EYA4: variants seen among roughly 807,000 people sequenced by gnomAD.
The protein encoded by EYA4 is EYA transcriptional coactivator and phosphatase 4.
EYA4 carries 31 observed loss-of-function variants against 87.9 expected under a neutral mutation model. The observed-to-expected ratio is 0.35, with a 90% CI of 0.27 to 0.48. EYA4 has a LOEUF of 0.48. EYA4 is among the 20% of genes least tolerant of loss of function. The probability of loss-of-function intolerance (pLI) is 0.99; values close to 1 mark genes in which losing one functional copy is unlikely to be tolerated. For synonymous variants in EYA4, 263 were observed against 270.6 expected, an observed-to-expected ratio of 0.97 and a Z score of 0.28; for missense variants, 678 against 761.4, an observed-to-expected ratio of 0.89 and a Z score of 1.29.
intron 1 of EYA4, among the ~76,000 whole-genome samples, chr6:133,266,157 G>T (rs1477798627): frequency 6.6e-6 from 1 of 152,184 alleles, no homozygotes; most frequent in African/African-American, 2.4e-5. Context: ...TTGCAGGTAT[G>T]ATCAAGTTAA....
At chr6:133,510,157 G>A (rs1055131062) in intron 14 of EYA4, among the ~76,000 whole-genome samples, 5 of 152,226 alleles carry the variant, frequency 3.3e-5, no homozygotes, top group East Asian at 1.9e-4. Context: ...TTAATCATGC[G>A]AGTTAATATT....
intron 2 of EYA4, among the ~76,000 whole-genome samples, chr6:133,342,605 A>ATATATATATATATATAT (rs1485897156): frequency 4.6e-5 from 6 of 130,452 alleles, no homozygotes; most frequent in Non-Finnish European, 7.8e-5. Flanking sequence ...ATATATATAT[A>ATATATATATATATATAT]ATTCTTTATA....
chr6:133,366,146 A>G (rs1339414601), intron 2 of EYA4, among the ~76,000 whole-genome samples: 3 of 152,176 alleles, frequency 2.0e-5, no homozygotes, highest in Non-Finnish European at 4.4e-5. Context: ...TTTGAGACAT[A>G]TTTTGAAGCC....
chr6:133,526,101 AAAG>A (rs1276742677), intron 19 of EYA4, among the ~76,000 whole-genome samples: 2 of 152,170 alleles, frequency 1.3e-5, no homozygotes, highest in Non-Finnish European at 2.9e-5. Flanking sequence ...TTCAACATCA[AAAG>A]AAGAATGATA....
At chr6:133,299,052 G>A (rs545030705) in intron 2 of EYA4, among the ~76,000 whole-genome samples, 22 of 152,294 alleles carry the variant, frequency 1.4e-4, no homozygotes, top group Admixed American at 5.2e-4. Flanking sequence ...GGGGAATGAA[G>A]CAGGACTCTT....
intron 13 of EYA4, among the ~76,000 whole-genome samples, chr6:133,487,283 G>A (rs2128720597): frequency 6.6e-6 from 1 of 152,234 alleles, no homozygotes; most frequent in South Asian, 2.1e-4. Context: ...AAGTGCTCTG[G>A]GGTCCAGGCA....
In EYA4 at chr6:133,409,710, T is replaced by A. The variant is rs115491806; in HGVS notation, c.83+27269T>A. ...GGGAGGAGGGATCAGGAGGTGTGGA[T>A]CAAAGTTTACAAAGTTACAGTTATG... On this transcript the variant is annotated intron_variant, in intron 3 of 19. Transcript: ENST00000355286. Among the ~76,000 whole-genome samples, 690 of 152,210 alleles carry A rather than the reference T, an allele frequency of 4.5e-3. 12 individuals are homozygous for A. The highest frequency in any genetic ancestry group is 0.016 in the African/African-American group (645 of 41,548).
intron 2 of EYA4, among the ~76,000 whole-genome samples, chr6:133,307,327 C>A (rs1779887903): frequency 6.6e-6 from 1 of 152,116 alleles, no homozygotes; most frequent in South Asian, 2.1e-4. Flanking sequence ...TCCTTTTAAT[C>A]TGGAGAGATA....
intron 17 of EYA4, among the ~76,000 whole-genome samples, chr6:133,518,907 A>G (rs1799850740): frequency 6.6e-6 from 1 of 151,746 alleles, no homozygotes; most frequent in Non-Finnish European, 1.5e-5. Context: ...CTGGGTACAT[A>G]ACGAAATGAA....
At chr6:133,277,115 C>A (rs888021028) in intron 2 of EYA4, among the ~76,000 whole-genome samples, 2 of 152,174 alleles carry the variant, frequency 1.3e-5, no homozygotes, top group Non-Finnish European at 2.9e-5. Flanking sequence ...TTACTCATAT[C>A]ATTGCTATTT....
At chr6:133,311,939 A>G (rs933665241) in intron 2 of EYA4, among the ~76,000 whole-genome samples, 2 of 152,230 alleles carry the variant, frequency 1.3e-5, no homozygotes, top group African/African-American at 2.4e-5. Flanking sequence ...TAGAATAGAT[A>G]TTATCCACGT....
chr6:133,414,558 G>C (rs1246664004), intron 3 of EYA4, among the ~76,000 whole-genome samples: 3 of 152,094 alleles, frequency 2.0e-5, no homozygotes. Context: ...TAGAAAGAAG[G>C]GTGGGGCCCT....
At chr6:133,304,152 G>A (rs985140290) in intron 2 of EYA4, among the ~76,000 whole-genome samples, 3 of 152,104 alleles carry the variant, frequency 2.0e-5, no homozygotes, top group African/African-American at 7.2e-5. Flanking sequence ...AAACTTCCTA[G>A]TGGGTTTTTG....
At chr6:133,438,418 C>T in intron 3 of EYA4, among the ~76,000 whole-genome samples, 1 of 147,166 alleles carries the variant, frequency 6.8e-6, no homozygotes, top group East Asian at 2.0e-4. Flanking sequence ...TGTATGTCGT[C>T]CAGATTGGCT....
At position 133,523,190 on chromosome 6, in the gene EYA4, T is replaced by C. The variant is rs1397253002; in HGVS notation, c.1738+13T>C. The stretch of plus-strand genomic sequence containing the variant: ...GCAACTAAAATAGGTAAGGAAATTA[T>C]TTTAAACTCTGTATGGAATGTGTCC... On this transcript the variant is annotated intron_variant, in intron 18 of 19. Coordinates refer to ENST00000355286, the MANE Select transcript of EYA4 (RefSeq NM_004100.5). 6.2e-7 allele frequency: 1 copy of C among 1,610,760 alleles called. No homozygotes were observed. The highest frequency in any genetic ancestry group is 1.1e-5 in the South Asian group (1 of 91,036).
rs906673410 is a variant in EYA4, at chr6:133,529,776, G to A, written c.*971G>A. 2.0e-5 allele frequency: 20 copies of A among 984,906 alleles called. No individual in the cohort carries two copies. The highest frequency in any genetic ancestry group is 1.8e-4 in the Admixed American group (3 of 16,268). 61.0% of individuals were successfully genotyped at this position (984,906 alleles called of 1,614,324 possible). ...ACTGTGGGACCTTTACTTAGAAAGT[G>A]AAATGTATGTAGAAGTCTCAAGTAC... is the stretch of plus-strand genomic sequence containing the variant. On this transcript the variant is annotated 3_prime_UTR_variant, in exon 20 of 20. Transcript: ENST00000355286.
intron 2 of EYA4, among the ~76,000 whole-genome samples, chr6:133,316,608 T>C (rs757899536): frequency 1.2e-4 from 19 of 152,232 alleles, no homozygotes; most frequent in East Asian, 1.9e-4. Context: ...TTTCCATTAA[T>C]TGACTACGCT....
At chr6:133,285,408 G>T (rs578019503) in intron 2 of EYA4, among the ~76,000 whole-genome samples, 1 of 152,164 alleles carries the variant, frequency 6.6e-6, no homozygotes, top group African/African-American at 2.4e-5. Context: ...AGCATGCAGG[G>T]TAGGTTCAAG....
At chr6:133,438,292 T>C (rs1791898252) in intron 3 of EYA4, among the ~76,000 whole-genome samples, 1 of 151,722 alleles carries the variant, frequency 6.6e-6, no homozygotes, top group Non-Finnish European at 1.5e-5. Context: ...CCAAGGCTAT[T>C]TTTATTTTGA....
Sources: gnomAD v4.1 joint callset for allele counts (sites outside exome capture counted in the v4.1 genomes callset) on GRCh38, gnomAD v4.1.1 for gene constraint, MANE v1.5 for transcripts, NCBI Gene and HGNC (gene_info 2026-07-23, HGNC 2026-07-21) for gene names.